Variants in SBF2 observed in about 807,000 individuals in gnomAD.
SBF2 encodes myotubularin-related protein 13.
In SBF2, 112 loss-of-function variants were observed where a neutral mutation model predicts 225.2. That is an observed-to-expected ratio of 0.50 (90% CI 0.43 to 0.58). SBF2 has a LOEUF of 0.58. Among genes scored for constraint, SBF2 ranks in the 20% least tolerant of loss-of-function variants. SBF2 has a pLI of 0.00. For synonymous variants in SBF2, 763 were observed against 773.3 expected, an observed-to-expected ratio of 0.99 and a Z score of 0.22; for missense variants, 1,996 against 2,206.2, an observed-to-expected ratio of 0.90 and a Z score of 1.91.
At chr11:10,095,590 T>C (rs958470792) in intron 2 of SBF2, among the ~76,000 whole-genome samples, 1 of 152,104 alleles carries the variant, frequency 6.6e-6, no homozygotes, top group Admixed American at 6.6e-5. Context: ...TAATATGGCA[T>C]AGAGTAAGAA....
chr11:10,098,454 AG>A (rs1201257805), intron 2 of SBF2, among the ~76,000 whole-genome samples: 2 of 150,008 alleles, frequency 1.3e-5, no homozygotes, highest in Admixed American at 1.3e-4. Flanking sequence ...GAAGATGGCA[AG>A]GCAAGGCTTC....
chr11:9,812,601 T>G lies in SBF2; in HGVS notation c.4086A>C (p.Pro1362=). ...SFKKLMRACI[P]STIPTDSEVT... ...CTTCTGAGTCAGTAGGGATGGTGCT[T>G]GGGATACAAGCCCTCATCAGCTTCT... is the stretch of plus-strand genomic sequence containing the variant. The change falls in exon 30 of 40, where the codon CCA becomes CCC. Residue 1362 remains proline (P), a synonymous_variant. Transcript: ENST00000256190. 1 of 1,614,168 alleles carries G rather than the reference T, an allele frequency of 6.2e-7. No homozygotes were observed. The highest frequency in any genetic ancestry group is 8.5e-7 in the Non-Finnish European group (1 of 1,180,022).
intron 25 of SBF2, among the ~76,000 whole-genome samples, chr11:9,840,379 TTAAA>T (rs74258900): frequency 0.043 from 6,482 of 152,210 alleles, 226 homozygotes; most frequent in Non-Finnish European, 0.061. Context: ...GGAATCACAC[TTAAA>T]TAAACATAAA....
At chr11:9,816,187 G>A (rs1022748216) in intron 29 of SBF2, among the ~76,000 whole-genome samples, 1 of 152,120 alleles carries the variant, frequency 6.6e-6, no homozygotes, top group African/African-American at 2.4e-5. Flanking sequence ...TGTTGCTTTT[G>A]GAGGAAAAGA....
intron 2 of SBF2, among the ~76,000 whole-genome samples, chr11:10,158,307 C>T (rs569362457): frequency 1.9e-4 from 28 of 151,170 alleles, no homozygotes; most frequent in Admixed American, 7.9e-4. Flanking sequence ...ACTAAATCAG[C>T]GGAAGAAAAG....
chr11:9,906,243 A>G (rs748177204), intron 16 of SBF2, among the ~76,000 whole-genome samples: 1 of 152,220 alleles, frequency 6.6e-6, no homozygotes, highest in Non-Finnish European at 1.5e-5. Context: ...TCTTCTCCCA[A>G]GGAAATGGTT....
At chr11:10,227,346 T>G (rs1958617618) in intron 1 of SBF2, among the ~76,000 whole-genome samples, 1 of 152,232 alleles carries the variant, frequency 6.6e-6, no homozygotes, top group Admixed American at 6.5e-5. Context: ...TTTGTCTATT[T>G]TGGCTTTTGT....
At chr11:10,196,866 A>ATATATATATATATATATTTTTTTTTTT in intron 1 of SBF2, among the ~76,000 whole-genome samples, 24 of 99,270 alleles carry the variant, frequency 2.4e-4, no homozygotes, top group Admixed American at 4.1e-4. Context: ...ATATATATAT[A>ATATATATATATATATATTTTTTTTTTT]TTTTTTTTTT....
In SBF2 at chr11:10,213,230, A is replaced by G. The variant is rs1958005995; in HGVS notation, c.56-19243T>C. Among the ~76,000 whole-genome samples, 4 of 152,278 alleles carry G rather than the reference A, an allele frequency of 2.6e-5. No homozygotes were observed. The South Asian group carries it at 6.2e-4, about 24-fold the overall frequency. On this transcript the variant is annotated intron_variant, in intron 1 of 39. Coordinates refer to ENST00000256190, the MANE Select transcript of SBF2 (RefSeq NM_030962.4). Reference sequence around the variant, plus strand: ...TGTATTTTCTTAAAGGTAGTAGAGAACACCCATCTTGGAGGATGTTTTTAG... The same window carrying G: ...TGTATTTTCTTAAAGGTAGTAGAGAGCACCCATCTTGGAGGATGTTTTTAG...
chr11:10,224,393 A>C (rs528236713), intron 1 of SBF2, among the ~76,000 whole-genome samples: 46 of 152,176 alleles, frequency 3.0e-4, no homozygotes, highest in African/African-American at 1.1e-3. Flanking sequence ...CATAATTCTC[A>C]CAACAGCCAA....
intron 30 of SBF2, 85 bp downstream of exon 30, chr11:9,812,446 AT>A (rs1038894269): frequency 9.8e-6 from 14 of 1,430,484 alleles, no homozygotes; most frequent in African/African-American, 1.4e-5. Context: ...GGAACAAAGT[AT>A]TTTTTTTCTC....
chr11:10,124,180 T>C (rs1953625869), intron 2 of SBF2, among the ~76,000 whole-genome samples: 1 of 152,230 alleles, frequency 6.6e-6, no homozygotes, highest in African/African-American at 2.4e-5. Context: ...GGTTGTTGTT[T>C]AGTTTTACTA....
At chr11:9,903,937 A>G (rs1157516582) in intron 16 of SBF2, among the ~76,000 whole-genome samples, 2 of 152,014 alleles carry the variant, frequency 1.3e-5, no homozygotes, top group Non-Finnish European at 2.9e-5. Context: ...TTAACACTTT[A>G]GTGTACCAGG....
intron 2 of SBF2, among the ~76,000 whole-genome samples, chr11:10,138,863 T>A (rs1329347653): frequency 6.6e-6 from 1 of 152,208 alleles, no homozygotes; most frequent in Admixed American, 6.5e-5. Flanking sequence ...TCTGTCTTGG[T>A]GTATTTACCA....
At chr11:10,220,408 A>C (rs916606948) in intron 1 of SBF2, among the ~76,000 whole-genome samples, 3 of 152,124 alleles carry the variant, frequency 2.0e-5, no homozygotes, top group Admixed American at 2.0e-4. Flanking sequence ...TGATACCTCC[A>C]ATCGTTCTAG....
At chr11:9,886,492 T>C (rs749511892) in intron 17 of SBF2, among the ~76,000 whole-genome samples, 9 of 152,204 alleles carry the variant, frequency 5.9e-5, no homozygotes, top group Non-Finnish European at 7.3e-5. Flanking sequence ...TTTTCCTTGT[T>C]TTCTGGACAG....
chr11:9,945,251 A>G (rs1865497809), intron 16 of SBF2, among the ~76,000 whole-genome samples: 3 of 152,224 alleles, frequency 2.0e-5, no homozygotes, highest in Non-Finnish European at 4.4e-5. Context: ...AAACAGACAC[A>G]TAGGCCAATG....
At chr11:10,154,342 T>A (rs2135183163) in intron 2 of SBF2, among the ~76,000 whole-genome samples, 1 of 152,258 alleles carries the variant, frequency 6.6e-6, no homozygotes. Flanking sequence ...CTGTATTTTT[T>A]ATTTTTTTAA....
rs141470952 is a variant in SBF2, at chr11:9,841,753, C to T, written c.3256+872G>A. ...TTCGCCATGTTGGCCAGGCTGGTCT[C>T]GAACTCCTGGCCTCAAGTGATCTGC... On this transcript the variant is annotated intron_variant, in intron 25 of 39. Transcript: ENST00000256190. Among the ~76,000 whole-genome samples, 206 of 152,224 alleles carry T rather than the reference C, an allele frequency of 1.4e-3. 1 individual carries two copies. The East Asian group carries it at 0.015, about 11-fold the overall frequency.
Sources: allele counts gnomAD v4.1 joint callset (sites outside exome capture counted in the v4.1 genomes callset), GRCh38; gene constraint gnomAD v4.1.1; transcripts MANE v1.5; gene names NCBI Gene and HGNC (gene_info 2026-07-23, HGNC 2026-07-21).